LRTM1: variants seen among roughly 807,000 people sequenced by gnomAD.
LRTM1 encodes the protein leucine-rich repeat and transmembrane domain-containing protein 1.
Under a neutral mutation model 32.4 loss-of-function variants are expected in LRTM1, and 38 were observed. The ratio of observed to expected loss-of-function variants is 1.17; its 90% CI spans 0.91 to 1.54. LRTM1 has a LOEUF of 1.54. Ranked by LOEUF, LRTM1 falls within the 40% of genes most tolerant of loss-of-function variation. The pLI is 0.00. For missense variants in LRTM1, 466 were observed against 415.4 expected (o/e 1.12, Z -1.06); for synonymous variants, 186 against 169.9 (o/e 1.09, Z -0.74).
chr3:54,931,121 A>AT (rs1022032992), upstream of LRTM1, among the ~76,000 whole-genome samples: 9 of 152,184 alleles, frequency 5.9e-5, no homozygotes, highest in African/African-American at 1.7e-4. Context: ...ACAAAGTGGC[A>AT]TCTCTTACTA....
At chr3:54,964,552 G>A (rs1029021386) in intron 1 of LRTM1, among the ~76,000 whole-genome samples, 1 of 152,106 alleles carries the variant, frequency 6.6e-6, no homozygotes, top group Non-Finnish European at 1.5e-5. Context: ...CAAAATAGAC[G>A]GGCTTGACAA....
chr3:54,933,841 T>C (rs1701266221), intron 1 of LRTM1, among the ~76,000 whole-genome samples: 1 of 151,864 alleles, frequency 6.6e-6, no homozygotes, highest in African/African-American at 2.4e-5. Flanking sequence ...TGGTCTCAGC[T>C]TACTGCAACC....
chr3:54,955,302 G>A lies in LRTM1; in HGVS notation c.-222+11626C>T, dbSNP rs9821607. Among the ~76,000 whole-genome samples, 5 of 152,158 alleles carry A rather than the reference G, an allele frequency of 3.3e-5. No individual in the cohort carries two copies. The East Asian group carries it at 5.8e-4, about 18-fold the overall frequency. Reference sequence around the variant, plus strand: ...TGTCTTATTATGCAGATAATGTCCCGCAGGTAATCTCTTGAAGCTACTCTC... The same window carrying A: ...TGTCTTATTATGCAGATAATGTCCCACAGGTAATCTCTTGAAGCTACTCTC... On this transcript the variant is annotated intron_variant, in intron 1 of 2. Coordinates refer to the LRTM1 transcript ENST00000493075.
At chr3:54,960,362 A>G (rs748304458) in intron 1 of LRTM1, among the ~76,000 whole-genome samples, 1 of 152,216 alleles carries the variant, frequency 6.6e-6, no homozygotes. Flanking sequence ...ACCACAGGGA[A>G]TACTTCAGAA....
intron 1 of LRTM1, among the ~76,000 whole-genome samples, chr3:54,938,875 G>T (rs954340852): frequency 6.6e-6 from 1 of 152,060 alleles, no homozygotes; most frequent in African/African-American, 2.4e-5. Flanking sequence ...ATCCCCATTA[G>T]TGTGCCATGG....
At chr3:54,930,791 C>G (rs1261121033), upstream of LRTM1, among the ~76,000 whole-genome samples, 2 of 152,162 alleles carry the variant, frequency 1.3e-5, no homozygotes, top group Non-Finnish European at 2.9e-5. Flanking sequence ...TCTGGTAGAG[C>G]AAAAGATCCA....
At chr3:54,923,764 T>C (rs1176342607) in intron 2 of LRTM1, among the ~76,000 whole-genome samples, 1 of 152,174 alleles carries the variant, frequency 6.6e-6, no homozygotes, top group Admixed American at 6.5e-5. Context: ...TGTTCTCACC[T>C]GGGCTTCTGC....
At chr3:54,946,844 T>A (rs901338150) in intron 1 of LRTM1, among the ~76,000 whole-genome samples, 1 of 152,094 alleles carries the variant, frequency 6.6e-6, no homozygotes, top group African/African-American at 2.4e-5. Flanking sequence ...ATGGGACCAT[T>A]TAGTCCCTGA....
At chr3:54,953,379 G>A (rs1391662479) in intron 1 of LRTM1, among the ~76,000 whole-genome samples, 1 of 152,114 alleles carries the variant, frequency 6.6e-6, no homozygotes, top group Non-Finnish European at 1.5e-5. Context: ...AAAGTGGTGG[G>A]GCCCGGTAAC....
intron 1 of LRTM1, among the ~76,000 whole-genome samples, chr3:54,939,292 C>G (rs971410941): frequency 1.3e-5 from 2 of 152,166 alleles, no homozygotes; most frequent in African/African-American, 4.8e-5. Flanking sequence ...AAAATTGAAA[C>G]TTGATGAGAC....
intron 1 of LRTM1, among the ~76,000 whole-genome samples, chr3:54,958,498 A>G (rs949732724): frequency 6.6e-6 from 1 of 152,232 alleles, no homozygotes; most frequent in African/African-American, 2.4e-5. Context: ...AGAGGAAGCC[A>G]GGGTGGATAT....
chr3:54,956,915 G>T lies in LRTM1; in HGVS notation c.-222+10013C>A, dbSNP rs116033277. ...GAAACCTCTTTGCCTTTGCTGTATA[G>T]GTTGAAAACAGGGGTGAAGGTAACT... On this transcript the variant is annotated intron_variant, in intron 1 of 2. Transcript: ENST00000493075. 3.5e-3 allele frequency among the ~76,000 whole-genome samples: 539 copies of T among 151,948 alleles called. 5 individuals carry two copies. The highest frequency in any genetic ancestry group is 0.012 in the African/African-American group (513 of 41,440).
At chr3:54,926,623 G>T (rs1195469021) in intron 1 of LRTM1, among the ~76,000 whole-genome samples, 1 of 151,544 alleles carries the variant, frequency 6.6e-6, no homozygotes, top group Non-Finnish European at 1.5e-5. Context: ...TCTGCAATTT[G>T]CTCTGTTCAC....
chr3:54,918,962 C>A, intron 2 of LRTM1, 70 bp from the exon 3 acceptor site: 1 of 1,307,106 alleles, frequency 7.7e-7, no homozygotes, highest in Non-Finnish European at 1.0e-6. Context: ...CCTCTGCCTG[C>A]AAAAACTTAG....
chr3:54,956,874 A>G (rs1050653548), intron 1 of LRTM1, among the ~76,000 whole-genome samples: 2 of 152,180 alleles, frequency 1.3e-5, no homozygotes, highest in Non-Finnish European at 2.9e-5. Flanking sequence ...AGAGCACACT[A>G]CATCTTACAG....
intron 1 of LRTM1, among the ~76,000 whole-genome samples, chr3:54,961,615 C>T (rs1559646230): frequency 2.0e-5 from 3 of 152,102 alleles, no homozygotes; most frequent in Non-Finnish European, 4.4e-5. Flanking sequence ...TGCAATTGTC[C>T]AGCAGTAGCC....
At chr3:54,965,551 C>T (rs1477840692) in intron 1 of LRTM1, among the ~76,000 whole-genome samples, 1 of 152,190 alleles carries the variant, frequency 6.6e-6, no homozygotes, top group African/African-American at 2.4e-5. Context: ...TGGATCTACT[C>T]CTCAACTGGA....
intron 1 of LRTM1, among the ~76,000 whole-genome samples, chr3:54,936,846 C>T (rs1327500934): frequency 6.6e-6 from 1 of 152,110 alleles, no homozygotes; most frequent in Non-Finnish European, 1.5e-5. Flanking sequence ...CAAGCAAGCT[C>T]CTTCATGTGT....
At chr3:54,931,924 C>G (rs1701200815), upstream of LRTM1, among the ~76,000 whole-genome samples, 3 of 152,146 alleles carry the variant, frequency 2.0e-5, no homozygotes, top group Admixed American at 6.5e-5. Context: ...TTCACGCTTG[C>G]AATCCTAGCA....
Sources: allele counts gnomAD v4.1 joint callset (sites outside exome capture counted in the v4.1 genomes callset), GRCh38; gene constraint gnomAD v4.1.1; transcripts MANE v1.5; gene names NCBI Gene and HGNC (gene_info 2026-07-23, HGNC 2026-07-21).